The following FIGNL2 variants were observed in gnomAD, a reference collection of about 807,000 sequenced individuals.
The protein encoded by FIGNL2 is fidgetin-like protein 2.
For synonymous variants in FIGNL2, 565 were observed against 484.0 expected, an observed-to-expected ratio of 1.17 and a Z score of -2.20; for missense variants, 1,060 against 950.2, an observed-to-expected ratio of 1.12 and a Z score of -1.52.
chr12:51,834,124 G>GATGA (rs1939537654), intron 1 of FIGNL2, among the ~76,000 whole-genome samples: 2 of 40,606 alleles, frequency 4.9e-5, no homozygotes, highest in Admixed American at 3.4e-4. Context: ...TGGATGGATG[G>GATGA]ATGGATGGAT....
Position 51,821,037 on chromosome 12 carries a change from C to A in FIGNL2, c.1377G>T (p.Ala459=). ...CGGCGGCGCCGGGCGCAGCCAGGGT[C>A]GCGCCGCGCAGGCGCAACAGCGTGG... ...LGATLLRLRG[A]TLAAPGAAEG... is the part of the protein sequence containing the mutation. The change falls in exon 2 of 2, where the codon GCG becomes GCT. Residue 459 remains alanine (A), a synonymous_variant. Coordinates refer to ENST00000618634, the MANE Select transcript of FIGNL2 (RefSeq NM_001384995.1). The A allele has an allele frequency of 8.4e-7, 1 of 1,187,366 alleles. No homozygotes were observed. The highest frequency in any genetic ancestry group is 1.0e-6 in the Non-Finnish European group (1 of 961,470). 73.6% of individuals were successfully genotyped at this position (1,187,366 alleles called of 1,614,324 possible). A position where few individuals can be genotyped will look rare whatever the true frequency, so the allele number is the denominator to read the frequency against.
intron 1 of FIGNL2, chr12:51,847,988 A>G: frequency 1.6e-6 from 1 of 641,202 alleles, no homozygotes; most frequent in South Asian, 6.9e-5. Flanking sequence ...GGTGGGTGTT[A>G]GGGGCGCGGG....
chr12:51,835,805 CT>C (rs34284176), intron 1 of FIGNL2, among the ~76,000 whole-genome samples: 1,615 of 139,926 alleles, frequency 0.012, 17 homozygotes, highest in African/African-American at 0.029. Flanking sequence ...ATCTAGACTT[CT>C]TTTTTTTTTT....
intron 1 of FIGNL2, among the ~76,000 whole-genome samples, chr12:51,829,455 C>CTATGG (rs1939410055): frequency 6.6e-6 from 1 of 152,052 alleles, no homozygotes; most frequent in Non-Finnish European, 1.5e-5. Context: ...CTGGCACCTA[C>CTATGG]CATACAGGAA....
In FIGNL2 at chr12:51,820,689, G is replaced by A; in HGVS notation, c.1725C>T (p.Gly575=). The A allele has an allele frequency of 6.7e-7, 1 of 1,493,740 alleles. No homozygotes were observed. The highest frequency in any genetic ancestry group is 1.5e-5 in the African/African-American group (1 of 68,448). The allele number at this position is 1,493,740 out of a possible 1,614,324, so 92.5% of individuals were successfully genotyped here. A position where few individuals can be genotyped will look rare whatever the true frequency, so the allele number is the denominator to read the frequency against. ...CCAGTTCCCGCTCACTGAGCGCGCA[G>A]CCCTGCTGGGCCAGCGCCCGCTGCA... ...QILQRALAQQ[G]CALSERELAA... is the part of the protein sequence containing the mutation. Residue 575 remains glycine (G), a synonymous_variant, in exon 2 of 2, where the codon GGC becomes GGT. Transcript: ENST00000618634.
chr12:51,845,907 A>G (rs1260033269), intron 1 of FIGNL2, among the ~76,000 whole-genome samples: 2 of 148,776 alleles, frequency 1.3e-5, no homozygotes, highest in Non-Finnish European at 3.0e-5. Context: ...TGGGGAAGGG[A>G]AGGGGCAAAG....
chr12:51,841,500 G>T lies in FIGNL2; in HGVS notation c.-12+7040C>A, dbSNP rs34259930. The stretch of plus-strand genomic sequence containing the variant: ...TTCTCTGCCTGCCACAGCAGGTGGT[G>T]GTGTTCCCATCGAACAGCTGAGAAA... On this transcript the variant is annotated intron_variant, in intron 1 of 1. Coordinates refer to ENST00000618634, the MANE Select transcript of FIGNL2 (RefSeq NM_001384995.1). The T allele has an allele frequency of 5.5e-3, 833 of 152,326 alleles. 8 individuals are homozygous for T. Among genetic ancestry groups the T allele is most frequent in the Non-Finnish European group, 9.6e-3 (655 of 68,034 alleles). The allele number at this position is 152,326 out of a possible 1,614,324, so 9.4% of individuals were successfully genotyped here.
Position 51,821,712 on chromosome 12 carries a change from GC to G in FIGNL2, c.701del (p.Gly234AlafsTer32). ...GPPPAPYLTPGLPAPTPLPAP... is the reference protein window; with the variant it reads ...GPPPAPYLTPXLPAPTPLPAP... ...CGGGCAGGGGCGTGGGCGCGGGCAG[GC>G]CCGGGGTCAGGTAGGGGGCCGGGGG... On this transcript the variant is annotated frameshift_variant, in exon 2 of 2. Transcript: ENST00000618634. LOFTEE classifies it low-confidence loss of function (END_TRUNC). The G allele has an allele frequency of 7.5e-7, 1 of 1,332,350 alleles. No homozygotes were observed. Among genetic ancestry groups the G allele is most frequent in the Non-Finnish European group, 9.5e-7 (1 of 1,048,074 alleles). 82.5% of individuals were successfully genotyped at this position (1,332,350 alleles called of 1,614,324 possible).
chr12:51,847,870 C>G (rs890170509), intron 1 of FIGNL2: 1 of 975,470 alleles, frequency 1.0e-6, no homozygotes. Flanking sequence ...CCGGGGGTCC[C>G]CCTTGTTGCC....
At chr12:51,823,247 A>G (rs998238286) in intron 1 of FIGNL2, among the ~76,000 whole-genome samples, 10 of 152,262 alleles carry the variant, frequency 6.6e-5, no homozygotes, top group Admixed American at 3.3e-4. Context: ...TAAATAGGTC[A>G]TATGCTGGAG....
chr12:51,841,407 G>A (rs1259432899), intron 1 of FIGNL2: 1 of 152,242 alleles, frequency 6.6e-6, no homozygotes, highest in African/African-American at 2.4e-5. Context: ...GGAAACTGAG[G>A]CTCGATTAAC....
chr12:51,835,098 G>A (rs1325291042), intron 1 of FIGNL2, among the ~76,000 whole-genome samples: 1 of 152,164 alleles, frequency 6.6e-6, no homozygotes, highest in Admixed American at 6.5e-5. Flanking sequence ...AAAATAAGCA[G>A]ATCTCCAGGG....
intron 1 of FIGNL2, among the ~76,000 whole-genome samples, chr12:51,834,010 CAAAT>C (rs1336945895): frequency 2.4e-5 from 3 of 124,038 alleles, no homozygotes; most frequent in Non-Finnish European, 5.2e-5. Context: ...AATGGACAGA[CAAAT>C]GGACGGATGG....
chr12:51,834,876 C>T (rs1295872826), intron 1 of FIGNL2, among the ~76,000 whole-genome samples: 1 of 152,228 alleles, frequency 6.6e-6, no homozygotes, highest in Non-Finnish European at 1.5e-5. Flanking sequence ...TCGTTTTCGT[C>T]CTCACAATGT....
intron 1 of FIGNL2, chr12:51,845,412 T>G: frequency 1.0e-6 from 1 of 959,052 alleles, no homozygotes; most frequent in South Asian, 4.8e-5. Context: ...AGCCCAAGGC[T>G]AAGGTAGCAG....
At chr12:51,848,357 C>T in intron 1 of FIGNL2, 183 bp downstream of exon 1, 1 of 983,516 alleles carries the variant, frequency 1.0e-6, no homozygotes, top group Non-Finnish European at 1.2e-6. Flanking sequence ...CCCTCGGCTC[C>T]CACGTACCCG....
intron 1 of FIGNL2, among the ~76,000 whole-genome samples, chr12:51,836,464 C>CG (rs1939580754): frequency 1.3e-5 from 2 of 152,096 alleles, no homozygotes; most frequent in Non-Finnish European, 2.9e-5. Flanking sequence ...TAACACAGTC[C>CG]GGGGGTCACA....
intron 1 of FIGNL2, chr12:51,845,525 G>A: frequency 1.0e-6 from 1 of 985,460 alleles, no homozygotes; most frequent in Non-Finnish European, 1.2e-6. Context: ...GGGGCACTGG[G>A]GCCTGGAGTC....
At chr12:51,840,974 C>T (rs920452108) in intron 1 of FIGNL2, among the ~76,000 whole-genome samples, 3 of 152,214 alleles carry the variant, frequency 2.0e-5, no homozygotes, top group Non-Finnish European at 2.9e-5. Context: ...GGCCCCTTCC[C>T]GTGCATGGGG....
Sources: gnomAD v4.1 joint callset for allele counts (sites outside exome capture counted in the v4.1 genomes callset) on GRCh38, gnomAD v4.1.1 for gene constraint, MANE v1.5 for transcripts, NCBI Gene and HGNC (gene_info 2026-07-23, HGNC 2026-07-21) for gene names.